Variants in RPS6KA5 observed in about 807,000 individuals in gnomAD.
The protein encoded by RPS6KA5 is ribosomal protein S6 kinase alpha-5.
RPS6KA5 carries 27 observed loss-of-function variants against 85.5 expected under a neutral mutation model. The ratio of observed to expected loss-of-function variants is 0.32; its 90% CI spans 0.23 to 0.44. The LOEUF is 0.44. Ranked by LOEUF, RPS6KA5 falls within the 20% of genes least tolerant of loss-of-function variation. RPS6KA5 has a pLI of 1.00. For synonymous variants in RPS6KA5, 334 were observed against 348.2 expected, an observed-to-expected ratio of 0.96 and a Z score of 0.46; for missense variants, 811 against 980.9, an observed-to-expected ratio of 0.83 and a Z score of 2.31.
chr14:91,019,613 C>T (rs1377106717), intron 1 of RPS6KA5, among the ~76,000 whole-genome samples: 2 of 152,120 alleles, frequency 1.3e-5, no homozygotes, highest in African/African-American at 2.4e-5. Flanking sequence ...CACACATAGT[C>T]CTTTACTTAC....
chr14:91,054,745 G>A (rs951805508), intron 1 of RPS6KA5, among the ~76,000 whole-genome samples: 1 of 151,756 alleles, frequency 6.6e-6, no homozygotes, highest in African/African-American at 2.4e-5. Flanking sequence ...AAGCCCAGGA[G>A]TTCGAGACCA....
rs1173869726 is a variant in RPS6KA5 at position 90,855,992 on chromosome 14, TATA to T, written c.*16079_*16081del. 2 of 152,140 alleles carry T rather than the reference TATA, an allele frequency of 1.3e-5. No individual in the cohort carries two copies. Among genetic ancestry groups the T allele is most frequent in the East Asian group, 3.9e-4 (2 of 5,168 alleles). 9.4% of individuals were successfully genotyped at this position (152,140 alleles called of 1,614,324 possible). A position where few individuals can be genotyped will look rare whatever the true frequency, so the allele number is the denominator to read the frequency against. On this transcript the variant is annotated 3_prime_UTR_variant, in exon 17 of 17. Coordinates refer to ENST00000614987, the MANE Select transcript of RPS6KA5 (RefSeq NM_004755.4). ...CCCAAAAGGCCGGTGCTCCCATTATTATAATGAGTCCCAAAGTAAGAAATTAAA... is the reference window on the plus strand; with the variant it reads ...CCCAAAAGGCCGGTGCTCCCATTATTATGAGTCCCAAAGTAAGAAATTAAA...
intron 8 of RPS6KA5, among the ~76,000 whole-genome samples, chr14:90,904,642 G>A (rs1485839420): frequency 3.3e-5 from 5 of 152,120 alleles, no homozygotes; most frequent in Non-Finnish European, 7.3e-5. Flanking sequence ...AAAGAAACAT[G>A]TTGTTAGCAG....
intron 1 of RPS6KA5, among the ~76,000 whole-genome samples, chr14:91,033,604 A>G (rs1364467934): frequency 3.3e-5 from 5 of 152,250 alleles, no homozygotes; most frequent in African/African-American, 9.6e-5. Flanking sequence ...TCTGTCTCAA[A>G]AATAAAATAA....
rs1424216101 is a variant in RPS6KA5 at position 90,894,426 on chromosome 14, T to C, written c.1631A>G (p.Asp544Gly). 6.2e-7 allele frequency: 1 copy of C among 1,613,698 alleles called. No individual in the cohort carries two copies. Among genetic ancestry groups the C allele is most frequent in the Non-Finnish European group, 8.5e-7 (1 of 1,179,782 alleles). Residue 544 changes from aspartate to glycine, a missense_variant, in exon 13 of 17, where the codon GAT (aspartate) becomes GGT (glycine). Physicochemically the swap from Asp to Gly is moderately conservative, Grantham distance 94 (BLOSUM62 -1). Transcript: ENST00000614987. The part of the protein sequence containing the change: ...HMHDVGVVHR[D>G]LKPENLLFTD... The stretch of plus-strand genomic sequence containing the variant: ...GTGATTTTATACCTCAGGTTTCAGA[T>C]CCCTGTGCACCACTCCAACATCATG...
At chr14:90,924,290 T>C (rs2036550898) in intron 5 of RPS6KA5, among the ~76,000 whole-genome samples, 1 of 152,198 alleles carries the variant, frequency 6.6e-6, no homozygotes, top group African/African-American at 2.4e-5. Context: ...AACTTTTAGG[T>C]CTCTGCCTAA....
chr14:91,027,338 T>TC (rs2042024042), intron 1 of RPS6KA5, among the ~76,000 whole-genome samples: 1 of 152,250 alleles, frequency 6.6e-6, no homozygotes, highest in African/African-American at 2.4e-5. Flanking sequence ...TAGCCAGTTA[T>TC]CCCAGCACCA....
At chr14:91,041,438 T>A (rs2042603336) in intron 1 of RPS6KA5, among the ~76,000 whole-genome samples, 1 of 152,206 alleles carries the variant, frequency 6.6e-6, no homozygotes. Context: ...TTTCTTTTTG[T>A]CAGGCGGAAA....
intron 1 of RPS6KA5, among the ~76,000 whole-genome samples, chr14:91,030,609 C>CAAAAAAAAAAA (rs1566885218): frequency 1.0e-3 from 1 of 956 alleles, no homozygotes; most frequent in Non-Finnish European, 2.2e-3. Flanking sequence ...CCAAAATAAA[C>CAAAAAAAAAAA]AGAAAAAAAA....
At chr14:91,056,955 C>T (rs2043348927) in intron 1 of RPS6KA5, among the ~76,000 whole-genome samples, 1 of 127,644 alleles carries the variant, frequency 7.8e-6, no homozygotes, top group Non-Finnish European at 1.6e-5. Context: ...TCTCGGCTCA[C>T]TGCAACCTCC....
At chr14:90,914,487 T>A (rs535069046) in intron 7 of RPS6KA5, among the ~76,000 whole-genome samples, 56 of 151,934 alleles carry the variant, frequency 3.7e-4, no homozygotes, top group African/African-American at 1.3e-3. Flanking sequence ...GCTAATTTTT[T>A]AATCTTTAGT....
intron 7 of RPS6KA5, among the ~76,000 whole-genome samples, chr14:90,908,381 T>C (rs78521251): frequency 0.021 from 3,184 of 152,276 alleles, 47 homozygotes; most frequent in Middle Eastern, 0.034. Flanking sequence ...AGTGATAGCC[T>C]AAACCCCTCC....
In RPS6KA5 at chr14:90,848,118, A is replaced by T. The variant is rs1017000140; in HGVS notation, c.*23956T>A. On this transcript the variant is annotated 3_prime_UTR_variant, in exon 17 of 17. Transcript: ENST00000614987. The stretch of plus-strand genomic sequence containing the variant: ...AAACAAAGAGAAAACTAACTTCCAG[A>T]CCATGAAGGAAAAAAAAATACATGC... The T allele has an allele frequency of 6.6e-6, 1 of 152,200 alleles. No homozygotes were observed. The highest frequency in any genetic ancestry group is 1.5e-5 in the Non-Finnish European group (1 of 68,040). 9.4% of individuals were successfully genotyped at this position (152,200 alleles called of 1,614,324 possible).
intron 1 of RPS6KA5, among the ~76,000 whole-genome samples, chr14:91,028,696 T>A (rs1215902161): frequency 6.6e-6 from 1 of 151,754 alleles, no homozygotes; most frequent in African/African-American, 2.4e-5. Context: ...TTTTTTGTAT[T>A]TTTAGTAGAG....
At chr14:90,982,590 C>T (rs1401293391) in intron 2 of RPS6KA5, among the ~76,000 whole-genome samples, 3 of 152,242 alleles carry the variant, frequency 2.0e-5, no homozygotes, top group Non-Finnish European at 4.4e-5. Flanking sequence ...GCATCAAATG[C>T]TCAATTAGCA....
chr14:90,971,089 G>A (rs2401952), intron 3 of RPS6KA5, among the ~76,000 whole-genome samples: 78,129 of 151,792 alleles, frequency 0.51, 20,176 homozygotes, highest in East Asian at 0.64. Context: ...AGGCCAGGGC[G>A]AGCAGATTAC....
At chr14:91,052,376 G>A (rs1344175895) in intron 1 of RPS6KA5, 3 of 399,558 alleles carry the variant, frequency 7.5e-6, no homozygotes, top group Non-Finnish European at 9.6e-6. Context: ...GCTGAGGCAG[G>A]AGAATCACTT....
intron 3 of RPS6KA5, among the ~76,000 whole-genome samples, chr14:90,957,208 G>A (rs1048675996): frequency 6.6e-6 from 1 of 151,914 alleles, no homozygotes; most frequent in African/African-American, 2.4e-5. Context: ...GGAATTACAG[G>A]TGCACACCAC....
chr14:90,986,114 A>C (rs2040044072), intron 2 of RPS6KA5, among the ~76,000 whole-genome samples: 1 of 152,238 alleles, frequency 6.6e-6, no homozygotes, highest in African/African-American at 2.4e-5. Context: ...TATGCAAAAT[A>C]AACTGTTTAT....
Sources: allele counts gnomAD v4.1 joint callset (sites outside exome capture counted in the v4.1 genomes callset), GRCh38; gene constraint gnomAD v4.1.1; transcripts MANE v1.5; gene names NCBI Gene and HGNC (gene_info 2026-07-23, HGNC 2026-07-21).